The following SLC25A48 variants were observed in gnomAD, a reference collection of about 807,000 sequenced individuals.
SLC25A48 encodes the protein CTC-321K16.1.
A neutral mutation model predicts 32.2 loss-of-function variants in SLC25A48; 29 were observed. The ratio of observed to expected loss-of-function variants is 0.90; its 90% confidence interval spans 0.67 to 1.23. The LOEUF (loss-of-function observed/expected upper bound fraction) is 1.23, where lower values mean the gene tolerates loss of function less well. Among genes scored for constraint, SLC25A48 ranks in the 50% most tolerant of loss-of-function variants. The pLI is 0.00. For missense variants in SLC25A48, 399 were observed against 422.7 expected (o/e 0.94, Z 0.49); for synonymous variants, 164 against 172.3 (o/e 0.95, Z 0.38).
At chr5:135,880,646 T>G (rs900654501) in intron 7 of SLC25A48, among the ~76,000 whole-genome samples, 1 of 152,144 alleles carries the variant, frequency 6.6e-6, no homozygotes, top group African/African-American at 2.4e-5. Context: ...AAGACAGCAG[T>G]CTGACTCCTG....
Position 135,583,781 on chromosome 5 carries a change from G to A in SLC25A48, c.-849+4184G>A, listed in dbSNP as rs116311892. On this transcript the variant is annotated intron_variant, in intron 1 of 10. Coordinates refer to the SLC25A48 transcript ENST00000646290. The stretch of plus-strand genomic sequence containing the variant: ...CCTGCTTCCATTGTGTTGTGTGGCT[G>A]CTGGCTCTGAATCCAAGCCTGGCGG... Among the ~76,000 whole-genome samples, 499 of 152,298 alleles carry A rather than the reference G, an allele frequency of 3.3e-3. 2 individuals are homozygous for A. The highest frequency in any genetic ancestry group is 6.1e-3 in the Non-Finnish European group (414 of 68,028).
In SLC25A48 at chr5:135,629,208, C is replaced by T. The variant is rs1328111955; in HGVS notation, c.-848-29C>T. The T allele has an allele frequency of 2.0e-5, 3 of 152,274 alleles. No individual in the cohort carries two copies. In the East Asian group the frequency reaches 5.8e-4, roughly 29 times the overall value. The allele number at this position is 152,274 out of a possible 1,614,324, so 9.4% of individuals were successfully genotyped here. ...AGTGCCAGAATCTCCACCGTTATAG[C>T]CTTTTTCTTTTTTCTTTTTCTTTTT... is the stretch of plus-strand genomic sequence containing the variant. On this transcript the variant is annotated intron_variant, in intron 1 of 10. Transcript: ENST00000646290. The surrounding 1 kb of genome is among the most constrained non-coding windows in gnomAD (Gnocchi z 4.8).
chr5:135,611,495 T>TAAAAAAAAAAA (rs1752062157), intron 1 of SLC25A48, among the ~76,000 whole-genome samples: 1 of 7,120 alleles, frequency 1.4e-4, no homozygotes, highest in African/African-American at 5.2e-4. Context: ...AGACTCCATC[T>TAAAAAAAAAAA]CAAAAAAAAA....
intron 1 of SLC25A48, among the ~76,000 whole-genome samples, chr5:135,599,378 C>A (rs1751733597): frequency 6.6e-6 from 1 of 152,154 alleles, no homozygotes; most frequent in African/African-American, 2.4e-5. Flanking sequence ...TATTGGAGTG[C>A]CCCGCTCCTG....
At chr5:135,682,666 G>T (rs1388631052) in intron 3 of SLC25A48, among the ~76,000 whole-genome samples, 1 of 152,174 alleles carries the variant, frequency 6.6e-6, no homozygotes, top group African/African-American at 2.4e-5. Context: ...AGAAAAAAGG[G>T]CTGCTGGGTG....
intron 1 of SLC25A48, among the ~76,000 whole-genome samples, chr5:135,838,978 A>G (rs1317925240): frequency 6.6e-6 from 1 of 152,254 alleles, no homozygotes; most frequent in African/African-American, 2.4e-5. Flanking sequence ...ACCATCCTCC[A>G]GACCACAGAA....
intron 6 of SLC25A48, chr5:135,874,868 C>T (rs6872151): frequency 0.034 from 16,832 of 487,904 alleles, 964 homozygotes; most frequent in African/African-American, 0.18. Flanking sequence ...TGCACGGGCT[C>T]CTTGCTTTCT....
chr5:135,590,735 G>A (rs903747565), intron 1 of SLC25A48, among the ~76,000 whole-genome samples: 5 of 152,138 alleles, frequency 3.3e-5, no homozygotes, highest in Admixed American at 6.5e-5. Context: ...AAGAGGGTGG[G>A]AGGCTTTGGA....
intron 2 of SLC25A48, among the ~76,000 whole-genome samples, chr5:135,631,363 G>T (rs1752565484): frequency 6.6e-6 from 1 of 152,190 alleles, no homozygotes; most frequent in Admixed American, 6.5e-5. Flanking sequence ...GAGTGCGCAG[G>T]TTATGCTCTA....
Position 135,847,968 on chromosome 5 carries a change from G to A in SLC25A48, c.91-2457G>A, listed in dbSNP as rs184289611. On this transcript the variant is annotated intron_variant, in intron 2 of 7. Transcript: ENST00000681962. ...CATCTGTAAGATGGGACCAGTATCCGTGCCTTAGAGCATCTGTGGGATTTA... is the reference window on the plus strand; with the variant it reads ...CATCTGTAAGATGGGACCAGTATCCATGCCTTAGAGCATCTGTGGGATTTA... Among the ~76,000 whole-genome samples the A allele has an allele frequency of 1.6e-3, 237 of 152,318 alleles. 1 individual carries two copies. The highest frequency in any genetic ancestry group is 5.5e-3 in the African/African-American group (228 of 41,576).
intron 3 of SLC25A48, among the ~76,000 whole-genome samples, chr5:135,754,013 C>T (rs1459307346): frequency 1.3e-5 from 2 of 150,700 alleles, no homozygotes; most frequent in Non-Finnish European, 2.9e-5. Flanking sequence ...AGGCTGTACA[C>T]CCACTGTTAC....
At chr5:135,755,835 C>T (rs1755888629) in intron 3 of SLC25A48, among the ~76,000 whole-genome samples, 1 of 144,100 alleles carries the variant, frequency 6.9e-6, no homozygotes, top group Non-Finnish European at 1.5e-5. Context: ...AATGTCAATG[C>T]AGTGTAGTAT....
In SLC25A48 at chr5:135,874,007, C is replaced by G; in HGVS notation, c.680-14C>G. 6.5e-7 allele frequency: 1 copy of G among 1,529,702 alleles called. No individual in the cohort carries two copies. Among genetic ancestry groups the G allele is most frequent in the Non-Finnish European group, 8.7e-7 (1 of 1,144,712 alleles). 94.8% of individuals were successfully genotyped at this position (1,529,702 alleles called of 1,614,324 possible). ...AGGAGCTAGCCCCTGACACCTGTTTCTTTCTCTTTGCAGGAGCAATTTCTT... is the reference window on the plus strand; with the variant it reads ...AGGAGCTAGCCCCTGACACCTGTTTGTTTCTCTTTGCAGGAGCAATTTCTT... On this transcript the variant is annotated splice_polypyrimidine_tract_variant and intron_variant, in intron 5 of 7. Transcript: ENST00000681962.
intron 4 of SLC25A48, among the ~76,000 whole-genome samples, chr5:135,828,068 C>T (rs561259442): frequency 1.2e-4 from 19 of 152,326 alleles, no homozygotes; most frequent in African/African-American, 3.6e-4. Flanking sequence ...AACCCCTTGG[C>T]GAGCTGGAGG....
At chr5:135,632,473 A>C (rs575652711) in intron 2 of SLC25A48, among the ~76,000 whole-genome samples, 1 of 152,150 alleles carries the variant, frequency 6.6e-6, no homozygotes, top group Non-Finnish European at 1.5e-5. Context: ...ATGCTCAGGG[A>C]TTGATTATGA....
At chr5:135,630,951 C>T (rs992118042) in intron 2 of SLC25A48, among the ~76,000 whole-genome samples, 9 of 152,108 alleles carry the variant, frequency 5.9e-5, no homozygotes, top group South Asian at 2.1e-4. Flanking sequence ...TTAACAATAA[C>T]GCTCCTGGAC....
intron 3 of SLC25A48, among the ~76,000 whole-genome samples, chr5:135,680,217 G>A (rs964687805): frequency 2.0e-5 from 3 of 152,168 alleles, no homozygotes; most frequent in African/African-American, 7.2e-5. Flanking sequence ...AGTACCAGAT[G>A]CCTCTAGTCA....
chr5:135,852,292 C>T (rs1259501017), intron 3 of SLC25A48, among the ~76,000 whole-genome samples: 2 of 152,216 alleles, frequency 1.3e-5, no homozygotes, highest in Non-Finnish European at 2.9e-5. Context: ...GATCACTGCC[C>T]CTCCCGGCGC....
intron 3 of SLC25A48, among the ~76,000 whole-genome samples, chr5:135,684,808 G>A (rs978783719): frequency 3.3e-5 from 5 of 152,188 alleles, no homozygotes; most frequent in African/African-American, 1.2e-4. Flanking sequence ...GTTCCATTGT[G>A]TGGGTATAGC....
Sources: gnomAD v4.1 joint callset for allele counts (sites outside exome capture counted in the v4.1 genomes callset) on GRCh38, gnomAD v4.1.1 for gene constraint, Gnocchi (gnomAD v3.1) non-coding constraint, MANE v1.5 for transcripts, NCBI Gene and HGNC (gene_info 2026-07-23, HGNC 2026-07-21) for gene names.